R3HDM2: variants seen among roughly 807,000 people sequenced by gnomAD.
R3HDM2 encodes R3H domain containing 2, also known as R3H domain-containing protein 2.
Under a neutral mutation model 124.5 loss-of-function variants are expected in R3HDM2, and 38 were observed. The ratio of observed to expected loss-of-function variants is 0.31; its 90% CI spans 0.24 to 0.40. The LOEUF (loss-of-function observed/expected upper bound fraction) is 0.40, where lower values mean the gene tolerates loss of function less well. Among genes scored for constraint, R3HDM2 ranks in the 10% least tolerant of loss-of-function variants. The pLI is 1.00. For synonymous variants in R3HDM2, 391 were observed against 448.0 expected (o/e 0.87, Z 1.61); for missense variants, 869 against 1,236.9 (o/e 0.70, Z 4.46).
In R3HDM2 at chr12:57,326,107, T is replaced by C. The variant is rs373571345; in HGVS notation, c.-35-15644A>G. Reference sequence around the variant, plus strand: ...TAAGACAGTGAACTTAATCAATAAATGTAAATGTTCTGACTCTTCTACCAC... The same window carrying C: ...TAAGACAGTGAACTTAATCAATAAACGTAAATGTTCTGACTCTTCTACCAC... On this transcript the variant is annotated intron_variant, in intron 2 of 23. Coordinates refer to ENST00000402412, the MANE Select transcript of R3HDM2 (RefSeq NM_001394031.1). 1.3e-3 allele frequency among the ~76,000 whole-genome samples: 198 copies of C among 152,330 alleles called. 3 individuals carry two copies. The South Asian group carries it at 0.029, about 22-fold the overall frequency.
rs200407085 is a variant in R3HDM2, at chr12:57,403,397, C to A, written c.-105-7579G>T. On this transcript the variant is annotated intron_variant, in intron 1 of 23. Coordinates refer to ENST00000402412, the MANE Select transcript of R3HDM2 (RefSeq NM_001394031.1). ...ATCCCAGCTACTTGGGAGGCTGAGG[C>A]AGGCAAATGGCTTGAACCTGGGAGG... Among the ~76,000 whole-genome samples, 21 of 152,170 alleles carry A rather than the reference C, an allele frequency of 1.4e-4. No homozygotes were observed. In the East Asian group the frequency reaches 3.1e-3, roughly 22 times the overall value.
Position 57,299,249 on chromosome 12 carries a change from C to T in R3HDM2, c.421+103G>A, listed in dbSNP as rs2050581421. The T allele has an allele frequency of 1.5e-5, 20 of 1,302,534 alleles. No individual in the cohort carries two copies. The South Asian group carries it at 2.5e-4, about 16-fold the overall frequency. The allele number at this position is 1,302,534 out of a possible 1,614,324, so 80.7% of individuals were successfully genotyped here. A position where few individuals can be genotyped will look rare whatever the true frequency, so the allele number is the denominator to read the frequency against. On this transcript the variant is annotated intron_variant, in intron 6 of 23. Coordinates refer to ENST00000402412, the MANE Select transcript of R3HDM2 (RefSeq NM_001394031.1). ...TCCTCAAGCAACCAAGTTAGCAGAA[C>T]ACTACAAATTGATGGGCCAGTAAGG...
chr12:57,266,945 C>G, intron 18 of R3HDM2, 114 bp from the exon 19 acceptor site: 1 of 700,216 alleles, frequency 1.4e-6, no homozygotes, highest in Non-Finnish European at 2.4e-6. Context: ...CAACTTCAAG[C>G]CATTCCCAGA....
intron 2 of R3HDM2, among the ~76,000 whole-genome samples, chr12:57,317,081 C>T (rs1481755248): frequency 6.6e-6 from 1 of 151,928 alleles, no homozygotes; most frequent in Non-Finnish European, 1.5e-5. Context: ...GGGGTTTTGC[C>T]ATGTTGGCCA....
intron 1 of R3HDM2, among the ~76,000 whole-genome samples, chr12:57,425,560 G>A (rs1009395242): frequency 6.6e-6 from 1 of 152,136 alleles, no homozygotes; most frequent in African/African-American, 2.4e-5. Flanking sequence ...AGCACTTTGG[G>A]AGGCCGAGGC....
At chr12:57,420,021 C>T (rs1470746623) in intron 1 of R3HDM2, among the ~76,000 whole-genome samples, 1 of 152,088 alleles carries the variant, frequency 6.6e-6, no homozygotes, top group South Asian at 2.1e-4. Context: ...AAGGCAGAAA[C>T]TCTCTCAAAT....
intron 1 of R3HDM2, among the ~76,000 whole-genome samples, chr12:57,413,538 C>T (rs1370218721): frequency 2.0e-5 from 3 of 151,406 alleles, no homozygotes; most frequent in Non-Finnish European, 2.9e-5. Flanking sequence ...GAGATCAAGA[C>T]CAGCCTGACC....
chr12:57,256,013 G>C lies in R3HDM2; in HGVS notation c.2609C>G (p.Thr870Ser), dbSNP rs773643903. 2.8e-5 allele frequency: 45 copies of C among 1,613,752 alleles called. No individual in the cohort carries two copies. The highest frequency in any genetic ancestry group is 3.8e-5 in the Non-Finnish European group (45 of 1,179,854). ...ACCAACATCTGCTGTCCCCAGGTCAGTGGAGGCAGATTTGAGTGCTTGTCT... is the reference window on the plus strand; with the variant it reads ...ACCAACATCTGCTGTCCCCAGGTCACTGGAGGCAGATTTGAGTGCTTGTCT... ...GKRQALKSAS[T>S]DLGTADVVLG... Residue 870 changes from threonine (T) to serine (S), a missense_variant, in exon 23 of 24, where the codon ACT becomes AGT. Physicochemically the swap from Thr to Ser is moderately conservative, Grantham distance 58. Coordinates refer to ENST00000402412, the MANE Select transcript of R3HDM2 (RefSeq NM_001394031.1).
intron 19 of R3HDM2, among the ~76,000 whole-genome samples, chr12:57,262,977 A>G (rs770686729): frequency 4.6e-5 from 7 of 152,204 alleles, no homozygotes; most frequent in Non-Finnish European, 8.8e-5. Context: ...GGGATTCTCC[A>G]TTTCTTTTGA....
chr12:57,409,768 G>A (rs1056207993), intron 1 of R3HDM2, among the ~76,000 whole-genome samples: 6 of 152,020 alleles, frequency 3.9e-5, no homozygotes, highest in Non-Finnish European at 7.4e-5. Flanking sequence ...ATAGAAATAA[G>A]CTAAAGGAAA....
intron 1 of R3HDM2, among the ~76,000 whole-genome samples, chr12:57,429,867 A>G (rs1284970874): frequency 6.6e-6 from 1 of 152,118 alleles, no homozygotes; most frequent in Non-Finnish European, 1.5e-5. Flanking sequence ...ATACAAGAAA[A>G]TGCTAGGAAT....
chr12:57,309,611 T>C (rs1263132897), intron 3 of R3HDM2, among the ~76,000 whole-genome samples: 2 of 152,228 alleles, frequency 1.3e-5, no homozygotes, highest in African/African-American at 4.8e-5. Context: ...GATATGAATT[T>C]AACACTGTGT....
chr12:57,333,682 C>T (rs1044270983), intron 2 of R3HDM2, among the ~76,000 whole-genome samples: 1 of 151,588 alleles, frequency 6.6e-6, no homozygotes, highest in African/African-American at 2.4e-5. Context: ...AGCGAAACTC[C>T]ATCTCAAAAT....
chr12:57,404,867 G>C lies in R3HDM2; in HGVS notation c.-105-9049C>G, dbSNP rs188615321. Reference sequence around the variant, plus strand: ...ACCCCATCTGTATTTGTAAAATACAGATTTTACAAAAAAATAAAACTTAAA... The same window carrying C: ...ACCCCATCTGTATTTGTAAAATACACATTTTACAAAAAAATAAAACTTAAA... On this transcript the variant is annotated intron_variant, in intron 1 of 23. Transcript: ENST00000402412. 1.8e-4 allele frequency among the ~76,000 whole-genome samples: 28 copies of C among 151,792 alleles called. 1 individual carries two copies. The highest frequency in any genetic ancestry group is 1.1e-3 in the Admixed American group (17 of 15,218).
intron 1 of R3HDM2, chr12:57,418,420 T>C: frequency 2.6e-6 from 2 of 774,590 alleles, no homozygotes; most frequent in Non-Finnish European, 3.1e-6. Flanking sequence ...CGTTGGTCTT[T>C]GTCCTTGTAC....
At chr12:57,366,598 A>G (rs917531223) in intron 2 of R3HDM2, among the ~76,000 whole-genome samples, 2 of 152,088 alleles carry the variant, frequency 1.3e-5, no homozygotes, top group East Asian at 1.9e-4. Context: ...TGTATACCTG[A>G]TAATTTGTGA....
At chr12:57,344,784 T>C (rs917759019) in intron 2 of R3HDM2, among the ~76,000 whole-genome samples, 79 of 151,844 alleles carry the variant, frequency 5.2e-4, no homozygotes, top group Admixed American at 1.8e-3. Flanking sequence ...ATGTGAACAC[T>C]GAATTTCAAC....
At position 57,352,576 on chromosome 12, in the gene R3HDM2, T is replaced by C. The variant is rs866100799; in HGVS notation, c.-35-42113A>G. Among the ~76,000 whole-genome samples the C allele has an allele frequency of 2.0e-5, 3 of 147,516 alleles. No homozygotes were observed. In the South Asian group the frequency reaches 6.8e-4, roughly 33 times the overall value. On this transcript the variant is annotated intron_variant, in intron 2 of 23. Transcript: ENST00000402412. Reference sequence around the variant, plus strand: ...GGCATGATCTCGGCTCACTGCAACCTCTGCCTCCTGCACTCAGGCAATTCT... The same window carrying C: ...GGCATGATCTCGGCTCACTGCAACCCCTGCCTCCTGCACTCAGGCAATTCT...
intron 14 of R3HDM2, among the ~76,000 whole-genome samples, chr12:57,275,606 C>T (rs1191742300): frequency 2.7e-5 from 4 of 150,356 alleles, no homozygotes; most frequent in African/African-American, 7.3e-5. Context: ...GAATCTACGA[C>T]GAACTCAAAT....
Sources: gnomAD v4.1 joint callset for allele counts (sites outside exome capture counted in the v4.1 genomes callset) on GRCh38, gnomAD v4.1.1 for gene constraint, MANE v1.5 for transcripts, NCBI Gene and HGNC (gene_info 2026-07-23, HGNC 2026-07-21) for gene names.